Variants in OPCML observed in about 807,000 individuals in gnomAD.
OPCML encodes opioid binding protein/cell adhesion molecule like, also known as opioid-binding protein/cell adhesion molecule.
In OPCML, 13 loss-of-function variants were observed where a neutral mutation model predicts 37.8. That is an observed-to-expected ratio of 0.34 (90% CI 0.22 to 0.55). The LOEUF (loss-of-function observed/expected upper bound fraction) is 0.55, where lower values mean the gene tolerates loss of function less well. Among genes scored for constraint, OPCML ranks in the 20% least tolerant of loss-of-function variants. The pLI is 0.91. For missense variants in OPCML, 341 were observed against 435.6 expected, an observed-to-expected ratio of 0.78 and a Z score of 1.93; for synonymous variants, 176 against 168.8, an observed-to-expected ratio of 1.04 and a Z score of -0.33.
At chr11:133,307,325 A>AG (rs1382672387) in intron 1 of OPCML, among the ~76,000 whole-genome samples, 1 of 152,122 alleles carries the variant, frequency 6.6e-6, no homozygotes, top group Non-Finnish European at 1.5e-5. Flanking sequence ...ATGGCATGAT[A>AG]GGGGTTATGT....
At chr11:133,300,144 A>G (rs1942742842) in intron 1 of OPCML, 1 of 152,228 alleles carries the variant, frequency 6.6e-6, no homozygotes, top group South Asian at 2.1e-4. Context: ...GAAGCAGAGC[A>G]TCAGAAATCA....
At chr11:132,472,174 C>T (rs1384803368) in intron 4 of OPCML, among the ~76,000 whole-genome samples, 1 of 152,196 alleles carries the variant, frequency 6.6e-6, no homozygotes, top group Non-Finnish European at 1.5e-5. Flanking sequence ...AAATACTTCT[C>T]TGCACTTGGT....
chr11:133,474,855 G>A (rs1378677227), intron 1 of OPCML, among the ~76,000 whole-genome samples: 1 of 152,208 alleles, frequency 6.6e-6, no homozygotes, highest in African/African-American at 2.4e-5. Flanking sequence ...GCCTTTGAGT[G>A]CACACAGCAA....
intron 1 of OPCML, among the ~76,000 whole-genome samples, chr11:133,243,537 G>A (rs887847947): frequency 2.0e-4 from 31 of 152,282 alleles, no homozygotes; most frequent in African/African-American, 7.2e-4. Flanking sequence ...AGGGGACCAG[G>A]CATCTGCTTT....
intron 1 of OPCML, among the ~76,000 whole-genome samples, chr11:133,089,902 CT>C (rs1338357920): frequency 9.2e-5 from 14 of 152,190 alleles, no homozygotes; most frequent in Non-Finnish European, 2.1e-4. Context: ...TACTTTGGCA[CT>C]GTTCTAGGTG....
Position 132,419,277 on chromosome 11 carries a change from T to C in OPCML, c.*916A>G, listed in dbSNP as rs1162264872. ...AGTGTTAGACAATTACATTGATAGA[T>C]TGATAAACAGTAAATAGATTGCTAG... On this transcript the variant is annotated 3_prime_UTR_variant, in exon 8 of 8. Transcript: ENST00000524381. 6.6e-6 allele frequency: 1 copy of C among 152,156 alleles called. No homozygotes were observed. The highest frequency in any genetic ancestry group is 1.5e-5 in the Non-Finnish European group (1 of 68,034). The allele number at this position is 152,156 out of a possible 1,614,324, so 9.4% of individuals were successfully genotyped here. A position where few individuals can be genotyped will look rare whatever the true frequency, so the allele number is the denominator to read the frequency against.
chr11:133,449,080 A>T (rs11223474), intron 1 of OPCML, among the ~76,000 whole-genome samples: 23,693 of 152,132 alleles, frequency 0.16, 1,960 homozygotes, highest in Admixed American at 0.21. Context: ...CATGTTCATG[A>T]TTATTTTGGT....
At chr11:133,433,250 T>TAAAAAAAAAAAAAAAAA (rs1946162860) in intron 1 of OPCML, among the ~76,000 whole-genome samples, 1 of 75,816 alleles carries the variant, frequency 1.3e-5, no homozygotes, top group African/African-American at 1.5e-4. Flanking sequence ...AGACTCCGTC[T>TAAAAAAAAAAAAAAAAA]CAAAAAAAAA....
chr11:133,392,727 T>C (rs1367306260), intron 1 of OPCML, among the ~76,000 whole-genome samples: 2 of 152,210 alleles, frequency 1.3e-5, no homozygotes, highest in East Asian at 3.9e-4. Context: ...AAGTAAGATG[T>C]ATCATTCGTT....
chr11:133,160,834 G>A (rs764420151), intron 1 of OPCML, among the ~76,000 whole-genome samples: 11 of 152,224 alleles, frequency 7.2e-5, no homozygotes, highest in Admixed American at 5.9e-4. Flanking sequence ...TCCTGGAGAG[G>A]CTTGGAGAGA....
chr11:133,149,624 T>C (rs991003377), intron 1 of OPCML, among the ~76,000 whole-genome samples: 1 of 152,212 alleles, frequency 6.6e-6, no homozygotes, highest in East Asian at 1.9e-4. Flanking sequence ...ATATCAGTTT[T>C]TGACTTGATA....
At chr11:132,582,104 TTG>T (rs145244488) in intron 3 of OPCML, among the ~76,000 whole-genome samples, 19,370 of 140,214 alleles carry the variant, frequency 0.14, 1,409 homozygotes, top group African/African-American at 0.2. Context: ...CACACATACT[TTG>T]TGTGTGTGTG....
Position 132,914,748 on chromosome 11 carries a change from G to A in OPCML, c.146+28178C>T, listed in dbSNP as rs73602862. Reference sequence around the variant, plus strand: ...TGAGTCATGAACAAAGTTGGGAGACGGGATGGGGATCCTCCAGGCAGTGTG... The same window carrying A: ...TGAGTCATGAACAAAGTTGGGAGACAGGATGGGGATCCTCCAGGCAGTGTG... On this transcript the variant is annotated intron_variant, in intron 2 of 7. Coordinates refer to ENST00000524381, the MANE Select transcript of OPCML (RefSeq NM_001012393.5). Among the ~76,000 whole-genome samples the A allele has an allele frequency of 6.2e-3, 948 of 152,284 alleles. 4 individuals carry two copies. The highest frequency in any genetic ancestry group is 0.021 in the African/African-American group (866 of 41,554).
intron 3 of OPCML, among the ~76,000 whole-genome samples, chr11:132,541,192 C>T (rs777430447): frequency 5.3e-5 from 8 of 152,212 alleles, no homozygotes; most frequent in Non-Finnish European, 5.9e-5. Flanking sequence ...GTCTCTCTCT[C>T]ACAGGAAGGC....
At chr11:133,473,873 A>G (rs1216660024) in intron 1 of OPCML, among the ~76,000 whole-genome samples, 1 of 152,238 alleles carries the variant, frequency 6.6e-6, no homozygotes, top group East Asian at 1.9e-4. Context: ...CACACTTACA[A>G]AGCTTTTTAA....
At position 133,038,183 on chromosome 11, in the gene OPCML, C is replaced by T. The variant is rs572382495; in HGVS notation, c.62-95173G>A. On this transcript the variant is annotated intron_variant, in intron 1 of 7. Coordinates refer to ENST00000524381, the MANE Select transcript of OPCML (RefSeq NM_001012393.5). ...GAGCTCTGGGTGCAGACTTAGGAGC[C>T]CTGGGCGCTGGCCCTGTCTGTCCCT... Among the ~76,000 whole-genome samples, 17 of 152,316 alleles carry T rather than the reference C, an allele frequency of 1.1e-4. No individual in the cohort carries two copies. In the South Asian group the frequency reaches 3.3e-3, roughly 30 times the overall value.
intron 2 of OPCML, among the ~76,000 whole-genome samples, chr11:132,698,015 T>G (rs1354225872): frequency 1.0e-5 from 1 of 95,490 alleles, no homozygotes; most frequent in African/African-American, 3.7e-5. Flanking sequence ...TATTTATTTA[T>G]TTATTTATTT....
At chr11:133,042,017 T>A (rs1296467397) in intron 1 of OPCML, among the ~76,000 whole-genome samples, 1 of 152,124 alleles carries the variant, frequency 6.6e-6, no homozygotes, top group African/African-American at 2.4e-5. Context: ...ATCGAATGCA[T>A]CACTCAGCAT....
intron 1 of OPCML, among the ~76,000 whole-genome samples, chr11:133,494,244 G>A (rs1402912036): frequency 1.3e-5 from 2 of 152,044 alleles, no homozygotes. Flanking sequence ...AGGATGTGGA[G>A]AAATAGGAAC....
Sources: allele counts gnomAD v4.1 joint callset (sites outside exome capture counted in the v4.1 genomes callset), GRCh38; gene constraint gnomAD v4.1.1; transcripts MANE v1.5; gene names NCBI Gene and HGNC (gene_info 2026-07-23, HGNC 2026-07-21).